The following PCDHA8 variants were observed in gnomAD, a reference collection of about 807,000 sequenced individuals.
The protein encoded by PCDHA8 is protocadherin alpha 8.
PCDHA8 carries 53 observed loss-of-function variants against 61.8 expected under a neutral mutation model. The observed-to-expected ratio is 0.86, with a 90% confidence interval of 0.69 to 1.08. PCDHA8 has a LOEUF of 1.08. Among genes scored for constraint, PCDHA8 ranks in the 50% least tolerant of loss-of-function variants. The pLI, the probability that PCDHA8 is intolerant of heterozygous loss-of-function variation, is 0.00. For missense variants in PCDHA8, 1,293 were observed against 1,245.0 expected, an observed-to-expected ratio of 1.04 and a Z score of -0.58; for synonymous variants, 618 against 556.6, an observed-to-expected ratio of 1.11 and a Z score of -1.55.
chr5:140,879,895 G>A (rs1176160335), intron 1 of PCDHA8, among the ~76,000 whole-genome samples: 2 of 152,112 alleles, frequency 1.3e-5, no homozygotes, highest in African/African-American at 4.8e-5. Context: ...TCCTCTCCAT[G>A]TCTCTCTCTA....
rs1026448396 is a variant in PCDHA8 at position 140,869,464 on chromosome 5, G to A, written c.2394+25749G>A. 1.1e-5 allele frequency: 18 copies of A among 1,614,080 alleles called. No individual in the cohort carries two copies. Among genetic ancestry groups the A allele is most frequent in the Non-Finnish European group, 1.4e-5 (17 of 1,180,040 alleles). ...GCCGCTGCAGGTTTTCCATGTGAAC[G>A]TGGAGGTGAAGGACATTAACGACAA... On this transcript the variant is annotated intron_variant, in intron 1 of 3. Transcript: ENST00000531613.
intron 1 of PCDHA8, among the ~76,000 whole-genome samples, chr5:140,949,264 G>A (rs139292588): frequency 4.5e-4 from 69 of 151,784 alleles, no homozygotes; most frequent in Admixed American, 2.4e-3. Flanking sequence ...AACATATCAC[G>A]TGCACTTGAA....
Position 140,997,511 on chromosome 5 carries a change from G to A in PCDHA8, c.2543-12116G>A, listed in dbSNP as rs565737825. Among the ~76,000 whole-genome samples, 79 of 152,108 alleles carry A rather than the reference G, an allele frequency of 5.2e-4. No individual in the cohort carries two copies. In the South Asian group the frequency reaches 1.0e-2, roughly 19 times the overall value. ...TTTGTGTATCTCAACATACCTAAACGCAGAAAAAGTACAATAAAAATACAT... is the reference window on the plus strand; with the variant it reads ...TTTGTGTATCTCAACATACCTAAACACAGAAAAAGTACAATAAAAATACAT... On this transcript the variant is annotated intron_variant, in intron 3 of 3. Transcript: ENST00000531613.
intron 1 of PCDHA8, among the ~76,000 whole-genome samples, chr5:140,974,875 A>G (rs934874769): frequency 1.6e-4 from 24 of 152,174 alleles, no homozygotes; most frequent in Non-Finnish European, 1.9e-4. Context: ...GGAACAGTCT[A>G]TGTATCCCTT....
intron 1 of PCDHA8, chr5:140,882,537 T>C (rs1582624652): frequency 6.2e-7 from 1 of 1,614,176 alleles, no homozygotes; most frequent in East Asian, 2.2e-5. Context: ...AATTCTCGGA[T>C]CGACCGCGAG....
chr5:140,948,461 A>G (rs2094256529), intron 1 of PCDHA8, among the ~76,000 whole-genome samples: 1 of 151,516 alleles, frequency 6.6e-6, no homozygotes, highest in Admixed American at 6.6e-5. Flanking sequence ...TCTTTTAGGG[A>G]AAGTTTCTGA....
chr5:140,897,037 AC>A (rs1300892291), intron 1 of PCDHA8, among the ~76,000 whole-genome samples: 1 of 152,074 alleles, frequency 6.6e-6, no homozygotes, highest in Non-Finnish European at 1.5e-5. Flanking sequence ...GACCATAGTC[AC>A]CCTATTCTGC....
chr5:140,877,255 C>A (rs1554169516), intron 1 of PCDHA8: 2 of 1,613,708 alleles, frequency 1.2e-6, no homozygotes, highest in Non-Finnish European at 8.5e-7. Flanking sequence ...GGCGAAAGTG[C>A]GCGCGGTGGA....
chr5:140,882,927 C>A, intron 1 of PCDHA8: 1 of 1,614,104 alleles, frequency 6.2e-7, no homozygotes. Context: ...GGAGGTAAAC[C>A]CGAGCTGACT....
chr5:140,869,403 G>C, intron 1 of PCDHA8: 3 of 1,614,206 alleles, frequency 1.9e-6, no homozygotes, highest in Non-Finnish European at 2.5e-6. Flanking sequence ...GGCAGAGCGC[G>C]GAGTGCAGCA....
chr5:140,967,030 C>T, intron 1 of PCDHA8: 1 of 1,609,320 alleles, frequency 6.2e-7, no homozygotes, highest in Non-Finnish European at 8.5e-7. Flanking sequence ...CCAGTCCGCG[C>T]TACCTGGAGC....
rs538677309 is a variant in PCDHA8, at chr5:140,927,177, G to T, written c.2395-51772G>T. ...GCAGGGCCAAAGCTGCCTGCGTCTT[G>T]ACCTACGACCTGGTGCTCGAGGACC... On this transcript the variant is annotated intron_variant, in intron 1 of 3. Coordinates refer to ENST00000531613, the MANE Select transcript of PCDHA8 (RefSeq NM_018911.3). 78 of 1,614,148 alleles carry T rather than the reference G, an allele frequency of 4.8e-5. 3 individuals carry two copies. In the East Asian group the frequency reaches 6.7e-4, roughly 14 times the overall value.
intron 1 of PCDHA8, among the ~76,000 whole-genome samples, chr5:140,895,931 C>A (rs1365477787): frequency 5.3e-5 from 8 of 152,210 alleles, no homozygotes; most frequent in African/African-American, 1.9e-4. Flanking sequence ...CTGCCTCAGC[C>A]TCCCGAGTAG....
At chr5:140,994,226 G>A (rs2097606248) in intron 3 of PCDHA8, among the ~76,000 whole-genome samples, 1 of 152,162 alleles carries the variant, frequency 6.6e-6, no homozygotes. Flanking sequence ...GTCTGTCTAT[G>A]TTATAATCAA....
chr5:140,858,459 TC>T, intron 1 of PCDHA8: 5 of 1,527,032 alleles, frequency 3.3e-6, no homozygotes, highest in Non-Finnish European at 4.4e-6. Context: ...GTTTTCATTT[TC>T]CTTTTGTGCT....
intron 1 of PCDHA8, chr5:140,927,159 C>G (rs782468229): frequency 6.2e-7 from 1 of 1,614,046 alleles, no homozygotes; most frequent in Non-Finnish European, 8.5e-7. Context: ...TGTGCAGGGC[C>G]AAAGCTGCCT....
At chr5:140,877,845 TTATTAA>T in intron 1 of PCDHA8, 3 of 1,555,618 alleles carry the variant, frequency 1.9e-6, no homozygotes, top group Non-Finnish European at 2.6e-6. Context: ...GTGAAGTAAG[TTATTAA>T]TATTATTTAG....
chr5:140,861,433 C>T (rs1177274871), intron 1 of PCDHA8: 1 of 489,666 alleles, frequency 2.0e-6, no homozygotes, highest in Non-Finnish European at 4.2e-6. Context: ...CAGTTGGATT[C>T]CAAAAGCCGC....
rs1347571265 is a variant in PCDHA8, at chr5:140,848,315, C to T, written c.2394+4600C>T. On this transcript the variant is annotated intron_variant, in intron 1 of 3. Transcript: ENST00000531613. ...GGCCACGTGATGTCACTCTTTGCCG[C>T]GATGTTCTCTCTGAATCCAGACAAA... is the stretch of plus-strand genomic sequence containing the variant. 5.4e-6 allele frequency: 4 copies of T among 741,056 alleles called. 1 individual carries two copies. Among genetic ancestry groups the T allele is most frequent in the East Asian group, 5.0e-5 (2 of 40,334 alleles). 45.9% of individuals were successfully genotyped at this position (741,056 alleles called of 1,614,324 possible).
Sources: allele counts gnomAD v4.1 joint callset (sites outside exome capture counted in the v4.1 genomes callset), GRCh38; gene constraint gnomAD v4.1.1; transcripts MANE v1.5; gene names NCBI Gene and HGNC (gene_info 2026-07-23, HGNC 2026-07-21).